The following OPN5 variants were observed in gnomAD, a reference collection of about 807,000 sequenced individuals.
OPN5 encodes opsin-5.
OPN5 carries 18 observed loss-of-function variants against 41.7 expected under a neutral mutation model. The observed-to-expected ratio is 0.43, with a 90% confidence interval of 0.30 to 0.64. The LOEUF (loss-of-function observed/expected upper bound fraction) is 0.64. OPN5 is among the 30% of genes least tolerant of loss of function. The pLI, the probability that OPN5 is intolerant of heterozygous loss-of-function variation, is 0.13. For missense variants in OPN5, 318 were observed against 434.5 expected, an observed-to-expected ratio of 0.73 and a Z score of 2.38; for synonymous variants, 178 against 164.3, an observed-to-expected ratio of 1.08 and a Z score of -0.64.
At chr6:47,819,354 A>ATATATATATATATATATATATATAT (rs1389298718) in intron 6 of OPN5, among the ~76,000 whole-genome samples, 1,082 of 58,806 alleles carry the variant, frequency 0.018, 251 homozygotes, top group Middle Eastern at 0.032. Flanking sequence ...TATATATATA[A>ATATATATATATATATATATATATAT]AAAATATATT....
intron 4 of OPN5, among the ~76,000 whole-genome samples, chr6:47,807,705 A>G (rs539176997): frequency 6.6e-6 from 1 of 152,288 alleles, no homozygotes; most frequent in South Asian, 2.1e-4. Flanking sequence ...ATTTCTGAAC[A>G]TGCAAATTAG....
At chr6:47,795,935 A>T (rs1773556738) in intron 4 of OPN5, among the ~76,000 whole-genome samples, 1 of 152,214 alleles carries the variant, frequency 6.6e-6, no homozygotes, top group South Asian at 2.1e-4. Flanking sequence ...GAATCATACA[A>T]TGCCTCACAG....
intron 2 of OPN5, among the ~76,000 whole-genome samples, chr6:47,788,999 A>G (rs1773283577): frequency 6.6e-6 from 1 of 152,056 alleles, no homozygotes; most frequent in African/African-American, 2.4e-5. Context: ...GAAGAGAGAC[A>G]TTCTAGATGA....
intron 4 of OPN5, among the ~76,000 whole-genome samples, chr6:47,799,621 C>T (rs947870592): frequency 6.6e-6 from 1 of 152,220 alleles, no homozygotes; most frequent in Admixed American, 6.5e-5. Flanking sequence ...TCCGCTGCAA[C>T]CCTTCCGGTG....
chr6:47,807,845 T>C (rs997265566), intron 4 of OPN5, among the ~76,000 whole-genome samples: 5 of 151,772 alleles, frequency 3.3e-5, no homozygotes, highest in African/African-American at 1.2e-4. Context: ...AATATTATGA[T>C]TTCCTGCTCC....
chr6:47,782,944 C>T (rs1773120737), intron 1 of OPN5, among the ~76,000 whole-genome samples: 1 of 151,940 alleles, frequency 6.6e-6, no homozygotes, highest in South Asian at 2.1e-4. Context: ...TAAAATATCT[C>T]ATTAATAATT....
intron 2 of OPN5, among the ~76,000 whole-genome samples, chr6:47,788,494 C>A (rs1448692009): frequency 6.6e-6 from 1 of 152,172 alleles, no homozygotes; most frequent in Non-Finnish European, 1.5e-5. Context: ...ACTCTGCTTA[C>A]GTCTTCAGAG....
At chr6:47,813,344 A>C (rs949213407) in intron 6 of OPN5, among the ~76,000 whole-genome samples, 2 of 152,186 alleles carry the variant, frequency 1.3e-5, no homozygotes, top group Admixed American at 1.3e-4. Context: ...GGATAATAAC[A>C]ATAGTATCAC....
At chr6:47,826,031 A>G (rs1281355055), downstream of OPN5, 1 of 152,186 alleles carries the variant, frequency 6.6e-6, no homozygotes, top group African/African-American at 2.4e-5. Context: ...TATAATACAT[A>G]TATGTGTGTA....
At chr6:47,821,621 A>G (rs564531598) in intron 6 of OPN5, among the ~76,000 whole-genome samples, 2 of 152,228 alleles carry the variant, frequency 1.3e-5, no homozygotes, top group Non-Finnish European at 2.9e-5. Flanking sequence ...ATTTTAGTAT[A>G]TGTAAATTGT....
At chr6:47,805,080 G>A (rs962382193) in intron 4 of OPN5, among the ~76,000 whole-genome samples, 4 of 152,208 alleles carry the variant, frequency 2.6e-5, no homozygotes, top group African/African-American at 9.6e-5. Context: ...GCTAAAGCAA[G>A]CTTTATTTCT....
At chr6:47,786,805 G>A (rs1457451426) in intron 2 of OPN5, among the ~76,000 whole-genome samples, 171 bp downstream of exon 2, 1 of 152,142 alleles carries the variant, frequency 6.6e-6, no homozygotes, top group Non-Finnish European at 1.5e-5. Context: ...GGTGCTGTCC[G>A]GCTGACAAGA....
chr6:47,826,255 G>T (rs1176977348), downstream of OPN5: 3 of 152,042 alleles, frequency 2.0e-5, no homozygotes, highest in Non-Finnish European at 4.4e-5. Context: ...TGAGACGAAT[G>T]AGATCCTGGG....
At chr6:47,786,779 T>C (rs1773206482) in intron 2 of OPN5, 145 bp downstream of exon 2, 2 of 718,278 alleles carry the variant, frequency 2.8e-6, no homozygotes. Flanking sequence ...TTCAGAGTTT[T>C]GTGGTAAGTC....
chr6:47,782,654 A>G (rs1006717049), intron 1 of OPN5, among the ~76,000 whole-genome samples: 2 of 152,220 alleles, frequency 1.3e-5, no homozygotes, highest in Non-Finnish European at 2.9e-5. Flanking sequence ...GTGCTATAGT[A>G]CTATAGTAAT....
chr6:47,797,320 T>C (rs923354282), intron 4 of OPN5, among the ~76,000 whole-genome samples: 2 of 152,154 alleles, frequency 1.3e-5, no homozygotes, highest in African/African-American at 4.8e-5. Flanking sequence ...TGGACAAAAA[T>C]GCAGACTCAG....
At chr6:47,794,018 CTGTTA>C (rs1773466421) in intron 3 of OPN5, among the ~76,000 whole-genome samples, 2 of 152,078 alleles carry the variant, frequency 1.3e-5, no homozygotes, top group Admixed American at 6.6e-5. Context: ...TAGAAACAAT[CTGTTA>C]TATTTCTTAT....
chr6:47,798,700 A>T (rs1442058270), intron 4 of OPN5, among the ~76,000 whole-genome samples: 1 of 152,080 alleles, frequency 6.6e-6, no homozygotes, highest in Non-Finnish European at 1.5e-5. Flanking sequence ...ACAAAATTTA[A>T]CTGATACTGA....
intron 1 of OPN5, among the ~76,000 whole-genome samples, chr6:47,786,013 G>A (rs1581725059): frequency 2.0e-5 from 3 of 152,262 alleles, no homozygotes; most frequent in African/African-American, 7.2e-5. Flanking sequence ...CTTGAAGGGA[G>A]TTATGCCAGT....
Sources: gnomAD v4.1 joint callset for allele counts (sites outside exome capture counted in the v4.1 genomes callset) on GRCh38, gnomAD v4.1.1 for gene constraint, MANE v1.5 for transcripts, NCBI Gene and HGNC (gene_info 2026-07-23, HGNC 2026-07-21) for gene names.